The following DYNC1I1 variants were observed in gnomAD, a reference collection of about 807,000 sequenced individuals.
DYNC1I1 encodes cytoplasmic dynein 1 intermediate chain 1.
DYNC1I1 carries 43 observed loss-of-function variants against 86.6 expected under a neutral mutation model. The observed-to-expected ratio is 0.50, with a 90% CI of 0.39 to 0.64. The LOEUF is 0.64. Ranked by LOEUF, DYNC1I1 falls within the 30% of genes least tolerant of loss-of-function variation. The probability of loss-of-function intolerance (pLI) is 0.00; values close to 1 mark genes in which losing one functional copy is unlikely to be tolerated. For missense variants in DYNC1I1, 604 were observed against 788.8 expected, an observed-to-expected ratio of 0.77 and a Z score of 2.81; for synonymous variants, 262 against 283.7, an observed-to-expected ratio of 0.92 and a Z score of 0.77.
chr7:95,984,932 A>G lies in DYNC1I1; in HGVS notation c.698A>G (p.Asp233Gly). ...VIERALAEDSDIFFDYSGREL... is the reference protein window; with the variant it reads ...VIERALAEDSGIFFDYSGREL... ...GAAAGAGCCCTGGCTGAAGATTCCG[A>G]CATCTTTTTTGACTACAGCGGCCGA... Residue 233 changes from aspartate (D) to glycine (G), a missense_variant, in exon 8 of 17, where the codon GAC becomes GGC. Coordinates refer to ENST00000447467, the MANE Select transcript of DYNC1I1 (RefSeq NM_001135556.2). 6.2e-7 allele frequency: 1 copy of G among 1,613,630 alleles called. No individual in the cohort carries two copies. Among genetic ancestry groups the G allele is most frequent in the Non-Finnish European group, 8.5e-7 (1 of 1,179,726 alleles).
intron 6 of DYNC1I1, among the ~76,000 whole-genome samples, chr7:95,945,847 T>G (rs1158604010): frequency 6.6e-6 from 1 of 152,142 alleles, no homozygotes; most frequent in Non-Finnish European, 1.5e-5. Context: ...TAAAGATACA[T>G]GGACATATAT....
At chr7:95,921,580 G>C (rs1035080856) in intron 6 of DYNC1I1, among the ~76,000 whole-genome samples, 1 of 152,080 alleles carries the variant, frequency 6.6e-6, no homozygotes, top group South Asian at 2.1e-4. Context: ...TGTGATCTTG[G>C]GGTCTTTGAG....
chr7:95,915,407 G>A (rs1254983134), intron 6 of DYNC1I1, among the ~76,000 whole-genome samples: 1 of 152,118 alleles, frequency 6.6e-6, no homozygotes, highest in Non-Finnish European at 1.5e-5. Flanking sequence ...TGATTTTTCT[G>A]TTTAATTTGT....
chr7:96,058,522 A>G (rs1480401457), intron 14 of DYNC1I1, among the ~76,000 whole-genome samples: 1 of 152,220 alleles, frequency 6.6e-6, no homozygotes, highest in Non-Finnish European at 1.5e-5. Flanking sequence ...AGAGCTTACT[A>G]TAGTTCAGTT....
At chr7:95,878,121 A>G (rs1034862308) in intron 6 of DYNC1I1, among the ~76,000 whole-genome samples, 19 of 152,316 alleles carry the variant, frequency 1.2e-4, no homozygotes, top group Admixed American at 1.1e-3. Context: ...CAGTGCTGCT[A>G]CAATATATTA....
chr7:95,970,178 T>C (rs968386907), intron 6 of DYNC1I1, among the ~76,000 whole-genome samples: 8 of 152,152 alleles, frequency 5.3e-5, no homozygotes, highest in Admixed American at 2.0e-4. Context: ...CTGTCTGCTA[T>C]ACAAATACAT....
chr7:96,073,042 T>C (rs1182090015), intron 14 of DYNC1I1, among the ~76,000 whole-genome samples: 2 of 152,228 alleles, frequency 1.3e-5, no homozygotes, highest in African/African-American at 2.4e-5. Flanking sequence ...TGCTTGGCAA[T>C]TAGTGGTTCA....
intron 1 of DYNC1I1, among the ~76,000 whole-genome samples, chr7:95,779,441 C>T (rs904326734): frequency 1.3e-5 from 2 of 152,202 alleles, no homozygotes; most frequent in Non-Finnish European, 2.9e-5. Flanking sequence ...AATCAGTGTA[C>T]AGGCCCCAGT....
At chr7:95,987,207 T>C (rs1480334407) in intron 9 of DYNC1I1, 52 bp downstream of exon 9, 1 of 1,489,774 alleles carries the variant, frequency 6.7e-7, no homozygotes, top group Non-Finnish European at 9.3e-7. Flanking sequence ...CTCGTGGCAT[T>C]TGTATAAAAA....
intron 5 of DYNC1I1, among the ~76,000 whole-genome samples, chr7:95,858,026 T>G (rs2116104589): frequency 6.6e-6 from 1 of 152,308 alleles, no homozygotes. Context: ...TTAGAAGATT[T>G]TTTCATATCT....
chr7:96,083,507 A>G (rs1404554253), intron 16 of DYNC1I1, among the ~76,000 whole-genome samples: 1 of 151,790 alleles, frequency 6.6e-6, no homozygotes, highest in Non-Finnish European at 1.5e-5. Flanking sequence ...TGATTACTAT[A>G]GGATCGTTCA....
chr7:96,009,248 A>C (rs1380627185), intron 10 of DYNC1I1, among the ~76,000 whole-genome samples: 2 of 152,288 alleles, frequency 1.3e-5, no homozygotes, highest in Non-Finnish European at 2.9e-5. Context: ...TTCATGAATA[A>C]GGTTCCAATG....
At chr7:95,932,879 A>T (rs1258255596) in intron 6 of DYNC1I1, among the ~76,000 whole-genome samples, 22 of 137,738 alleles carry the variant, frequency 1.6e-4, no homozygotes, top group South Asian at 9.3e-4. Flanking sequence ...TTATTTTTTA[A>T]TTTTTTTTTT....
At chr7:95,941,346 A>G (rs1562950647) in intron 6 of DYNC1I1, among the ~76,000 whole-genome samples, 1 of 151,922 alleles carries the variant, frequency 6.6e-6, no homozygotes, top group Non-Finnish European at 1.5e-5. Flanking sequence ...AGACAGGGAC[A>G]TTTAAGTCTG....
intron 6 of DYNC1I1, among the ~76,000 whole-genome samples, chr7:95,932,722 A>T (rs1274894097): frequency 6.6e-6 from 1 of 152,200 alleles, no homozygotes; most frequent in Non-Finnish European, 1.5e-5. Context: ...AGATCATAGT[A>T]GTAGGTTTCG....
intron 7 of DYNC1I1, among the ~76,000 whole-genome samples, chr7:95,979,192 A>G (rs1273313338): frequency 6.6e-6 from 1 of 152,154 alleles, no homozygotes; most frequent in Non-Finnish European, 1.5e-5. Flanking sequence ...GTTTTTTGCA[A>G]TCTCAGGTAT....
chr7:95,844,199 C>T (rs1041780872), intron 5 of DYNC1I1, among the ~76,000 whole-genome samples: 2 of 152,180 alleles, frequency 1.3e-5, no homozygotes, highest in South Asian at 4.2e-4. Context: ...AAACCTAGTA[C>T]CTTATAGAAT....
intron 9 of DYNC1I1, among the ~76,000 whole-genome samples, chr7:95,990,028 T>C (rs922170603): frequency 6.6e-6 from 1 of 152,122 alleles, no homozygotes; most frequent in East Asian, 1.9e-4. Flanking sequence ...TGTAACAGAA[T>C]AGAACTGAGA....
rs570512920 is a variant in DYNC1I1, at chr7:95,968,510, A to G, written c.491-9002A>G. On this transcript the variant is annotated intron_variant, in intron 6 of 16. Coordinates refer to ENST00000447467, the MANE Select transcript of DYNC1I1 (RefSeq NM_001135556.2). ...AACTAGTTAACATAACACAATAACA[A>G]TTCTAGTATGTGAAGACCTTGAGTG... is the stretch of plus-strand genomic sequence containing the variant. Among the ~76,000 whole-genome samples, 4 of 152,288 alleles carry G rather than the reference A, an allele frequency of 2.6e-5. No homozygotes were observed. The East Asian group carries it at 5.8e-4, about 22-fold the overall frequency.
Sources: gnomAD v4.1 joint callset for allele counts (sites outside exome capture counted in the v4.1 genomes callset) on GRCh38, gnomAD v4.1.1 for gene constraint, MANE v1.5 for transcripts, NCBI Gene and HGNC (gene_info 2026-07-23, HGNC 2026-07-21) for gene names.